The following INO80 variants were observed in gnomAD, a reference collection of about 807,000 sequenced individuals.
The protein encoded by INO80 is chromatin-remodeling ATPase INO80.
Under a neutral mutation model 203.4 loss-of-function variants are expected in INO80, and 20 were observed. The observed-to-expected ratio is 0.10, with a 90% confidence interval of 0.07 to 0.14. INO80 has a LOEUF of 0.14. INO80 is among the 10% of genes least tolerant of loss of function. The probability of loss-of-function intolerance (pLI) is 1.00; values close to 1 mark genes in which losing one functional copy is unlikely to be tolerated. For synonymous variants in INO80, 726 were observed against 685.2 expected (o/e 1.06, Z -0.93); for missense variants, 1,419 against 1,914.4 (o/e 0.74, Z 4.83).
At position 41,116,041 on chromosome 15, in the gene INO80, G is replaced by T. The variant is rs1187100126; in HGVS notation, c.-112C>A. 1.0e-5 allele frequency: 4 copies of T among 394,202 alleles called. No individual in the cohort carries two copies. The highest frequency in any genetic ancestry group is 1.3e-4 in the South Asian group (1 of 7,808). 24.4% of individuals were successfully genotyped at this position (394,202 alleles called of 1,614,324 possible). On this transcript the variant is annotated 5_prime_UTR_variant, in exon 1 of 36. Coordinates refer to ENST00000648947, the MANE Select transcript of INO80 (RefSeq NM_017553.3). ...GGCGGGGTGCGGGCGGGGTCCGGAGGGGGGGGTCGCCCCGCCGACGGTGGA... is the reference window on the plus strand; with the variant it reads ...GGCGGGGTGCGGGCGGGGTCCGGAGTGGGGGGTCGCCCCGCCGACGGTGGA...
At chr15:41,052,880 A>C (rs2044906532) in intron 19 of INO80, among the ~76,000 whole-genome samples, 1 of 150,586 alleles carries the variant, frequency 6.6e-6, no homozygotes, top group Admixed American at 6.6e-5. Flanking sequence ...AAAAAATACA[A>C]AAATTAGCCA....
chr15:41,018,484 T>C (rs2044243003), intron 26 of INO80: 1 of 152,240 alleles, frequency 6.6e-6, no homozygotes, highest in Non-Finnish European at 1.5e-5. Context: ...GTCAGCTTGT[T>C]ATCTTGTTAT....
chr15:41,058,819 T>A, intron 15 of INO80, 38 bp from the exon 16 acceptor site: 1 of 1,579,536 alleles, frequency 6.3e-7, no homozygotes, highest in Non-Finnish European at 8.6e-7. Flanking sequence ...AAGAGAAACC[T>A]AATAATTCAT....
intron 1 of INO80, among the ~76,000 whole-genome samples, chr15:41,103,062 C>T (rs1186181697): frequency 6.6e-6 from 1 of 152,152 alleles, no homozygotes; most frequent in African/African-American, 2.4e-5. Context: ...CCCCTACAAA[C>T]CCAAACTTCT....
At chr15:41,025,525 G>A (rs565601514) in intron 25 of INO80, among the ~76,000 whole-genome samples, 21 of 152,192 alleles carry the variant, frequency 1.4e-4, no homozygotes, top group African/African-American at 4.6e-4. Flanking sequence ...GCCCAGCCTG[G>A]CTAACATGGT....
chr15:41,088,087 C>CTTTTTTTTT (rs943111352), intron 5 of INO80, among the ~76,000 whole-genome samples: 14 of 101,072 alleles, frequency 1.4e-4, no homozygotes, highest in African/African-American at 2.4e-4. Flanking sequence ...GCTTGCTTTT[C>CTTTTTTTTT]TTTTTTTTTT....
At position 41,095,853 on chromosome 15, in the gene INO80, C is replaced by T; in HGVS notation, c.219G>A (p.Lys73=). 2 of 1,613,996 alleles carry T rather than the reference C, an allele frequency of 1.2e-6. No individual in the cohort carries two copies. The highest frequency in any genetic ancestry group is 1.7e-6 in the Non-Finnish European group (2 of 1,179,950). The change falls in exon 3 of 36, where the codon AAG becomes AAA. Residue 73 remains lysine (K), a synonymous_variant. Transcript: ENST00000648947. ...CAAGCAATGAATTTGGAGGTTCTTCCTTAACTTGTATTAAGGGATCCCCAG... is the reference window on the plus strand; with the variant it reads ...CAAGCAATGAATTTGGAGGTTCTTCTTTAACTTGTATTAAGGGATCCCCAG... ...PQSGDPLIQV[K]EEPPNSLLGE...
intron 29 of INO80, among the ~76,000 whole-genome samples, chr15:40,992,120 A>G (rs542264094): frequency 3.9e-5 from 6 of 152,364 alleles, no homozygotes; most frequent in African/African-American, 1.4e-4. Context: ...AAGTTGGACC[A>G]ACACTTGGAG....
chr15:41,065,846 C>T (rs2045200963), intron 14 of INO80, among the ~76,000 whole-genome samples: 1 of 152,110 alleles, frequency 6.6e-6, no homozygotes, highest in Admixed American at 6.6e-5. Context: ...TTGTGGTTGC[C>T]AGAGGCTACA....
intron 4 of INO80, among the ~76,000 whole-genome samples, chr15:41,095,113 C>T (rs1400619144): frequency 3.3e-5 from 5 of 151,398 alleles, no homozygotes; most frequent in South Asian, 2.1e-4. Context: ...CTGAGGCAGG[C>T]AGATCACCTG....
At position 41,116,205 on chromosome 15, in the gene INO80, G is replaced by T; in HGVS notation, c.-276C>A. ...CTGCGGGCGCTGGGCCGGCGGCGGC[G>T]GCGGCCACTTTCACTCACTGAGAGG... On this transcript the variant is annotated 5_prime_UTR_variant, in exon 1 of 36. Coordinates refer to ENST00000648947, the MANE Select transcript of INO80 (RefSeq NM_017553.3). 2.4e-6 allele frequency: 1 copy of T among 410,056 alleles called. No individual in the cohort carries two copies. Among genetic ancestry groups the T allele is most frequent in the Non-Finnish European group, 4.2e-6 (1 of 235,970 alleles). 25.4% of individuals were successfully genotyped at this position (410,056 alleles called of 1,614,324 possible). A position where few individuals can be genotyped will look rare whatever the true frequency, so the allele number is the denominator to read the frequency against.
Position 41,047,578 on chromosome 15 carries a change from A to G in INO80, c.2642-77T>C, listed in dbSNP as rs985187491. 5.0e-6 allele frequency: 5 copies of G among 1,007,832 alleles called. No individual in the cohort carries two copies. In the African/African-American group the frequency reaches 8.1e-5, roughly 16 times the overall value. 62.4% of individuals were successfully genotyped at this position (1,007,832 alleles called of 1,614,324 possible). On this transcript the variant is annotated intron_variant, in intron 22 of 35. Transcript: ENST00000648947. Reference sequence around the variant, plus strand: ...TCAGTTAAAGCCTGCTCAACTGCTGAGTTTTGACTTAAGAACAAAAACACT... The same window carrying G: ...TCAGTTAAAGCCTGCTCAACTGCTGGGTTTTGACTTAAGAACAAAAACACT...
chr15:40,990,324 T>C (rs1475270557), intron 29 of INO80, among the ~76,000 whole-genome samples: 1 of 152,198 alleles, frequency 6.6e-6, no homozygotes. Flanking sequence ...TGTGTACTAT[T>C]TGAAAGAGTG....
At chr15:41,070,187 T>C (rs2045288458) in intron 13 of INO80, among the ~76,000 whole-genome samples, 1 of 152,244 alleles carries the variant, frequency 6.6e-6, no homozygotes, top group Non-Finnish European at 1.5e-5. Flanking sequence ...TTAGGCAAGG[T>C]GTTCTGATCT....
intron 26 of INO80, chr15:41,018,817 G>A (rs1052883749): frequency 4.6e-5 from 7 of 152,190 alleles, no homozygotes; most frequent in African/African-American, 1.7e-4. Context: ...GAGACACAAG[G>A]AACACACTTC....
chr15:41,039,379 A>G (rs989896706), intron 24 of INO80, among the ~76,000 whole-genome samples: 3 of 152,230 alleles, frequency 2.0e-5, no homozygotes, highest in Admixed American at 1.3e-4. Flanking sequence ...ATTGTGTAGT[A>G]TTTAAAGTCT....
intron 12 of INO80, among the ~76,000 whole-genome samples, chr15:41,070,846 T>C (rs565537100): frequency 3.9e-5 from 6 of 152,268 alleles, no homozygotes; most frequent in African/African-American, 1.4e-4. Context: ...TACACAAATA[T>C]TCTCCAGTAG....
At chr15:40,990,083 C>G in intron 29 of INO80, among the ~76,000 whole-genome samples, 1 of 151,652 alleles carries the variant, frequency 6.6e-6, no homozygotes, top group East Asian at 1.9e-4. Context: ...GAGCCCAGGA[C>G]TAGTATGCAT....
rs1291061128 is a variant in INO80 at position 40,987,856 on chromosome 15, A to G, written c.3689T>C (p.Ile1230Thr). 2 of 1,614,028 alleles carry G rather than the reference A, an allele frequency of 1.2e-6. No homozygotes were observed. The highest frequency in any genetic ancestry group is 1.7e-6 in the Non-Finnish European group (2 of 1,180,024). Residue 1230 changes from isoleucine (I) to threonine (T), a missense_variant, in exon 30 of 36, where the codon ATT becomes ACT. Physicochemically the swap from Ile to Thr is moderately conservative, Grantham distance 89. Transcript: ENST00000648947. ...GGCTCTTTGCAGAATGCGTTCTTCA[A>G]TGGTGCCTTTACAGATGAGCCGGTA... ...TVYRLICKGT[I>T]EERILQRAKE...
Sources: allele counts gnomAD v4.1 joint callset (sites outside exome capture counted in the v4.1 genomes callset), GRCh38; gene constraint gnomAD v4.1.1; transcripts MANE v1.5; gene names NCBI Gene and HGNC (gene_info 2026-07-23, HGNC 2026-07-21).